SUN1: variants seen among roughly 807,000 people sequenced by gnomAD.
SUN1 encodes the protein SUN domain-containing protein 1.
A neutral mutation model predicts 103.2 loss-of-function variants in SUN1; 61 were observed. The ratio of observed to expected loss-of-function variants is 0.59; its 90% confidence interval spans 0.48 to 0.73. The LOEUF (loss-of-function observed/expected upper bound fraction) is 0.73. Among genes scored for constraint, SUN1 ranks in the 30% least tolerant of loss-of-function variants. The pLI is 0.00. For synonymous variants in SUN1, 490 were observed against 425.7 expected (o/e 1.15, Z -1.86); for missense variants, 1,052 against 1,034.6 (o/e 1.02, Z -0.23).
chr7:850,279 G>T, intron 5 of SUN1: 1 of 464,792 alleles, frequency 2.2e-6, no homozygotes, highest in South Asian at 2.2e-5. Flanking sequence ...GCTCACTGCA[G>T]CCTCCACCTC....
intron 1 of SUN1, among the ~76,000 whole-genome samples, chr7:836,833 G>C (rs1384795803): frequency 6.6e-6 from 1 of 152,346 alleles, no homozygotes; most frequent in African/African-American, 2.4e-5. Flanking sequence ...GGATGGGCGC[G>C]GTCAAGGAGG....
Position 823,403 on chromosome 7 carries a change from A to G in SUN1, c.-74+6730A>G, listed in dbSNP as rs560398688. ...CATTAAGTGTGAGGAGAAGTTAGCTAGGCAGAGTTTGGGGTGTAACTAGAC... is the reference window on the plus strand; with the variant it reads ...CATTAAGTGTGAGGAGAAGTTAGCTGGGCAGAGTTTGGGGTGTAACTAGAC... On this transcript the variant is annotated intron_variant, in intron 1 of 17. Coordinates refer to the SUN1 transcript ENST00000389574. Among the ~76,000 whole-genome samples the G allele has an allele frequency of 5.3e-5, 8 of 152,124 alleles. No homozygotes were observed. In the South Asian group the frequency reaches 1.7e-3, roughly 31 times the overall value.
At chr7:831,887 C>T, upstream of SUN1, 1 of 265,260 alleles carries the variant, frequency 3.8e-6, no homozygotes, top group East Asian at 1.8e-4. Context: ...AAGTATGAGT[C>T]ATTCCAAATA....
chr7:823,801 C>T (rs912162693), intron 1 of SUN1, among the ~76,000 whole-genome samples: 12 of 152,074 alleles, frequency 7.9e-5, no homozygotes, highest in African/African-American at 2.2e-4. Flanking sequence ...GGAGAGGGGG[C>T]ATGGGGCACG....
intron 1 of SUN1, among the ~76,000 whole-genome samples, chr7:833,585 C>A (rs201849763): frequency 4.9e-4 from 74 of 152,014 alleles, no homozygotes; most frequent in African/African-American, 1.7e-3. Flanking sequence ...TGCTGGGATT[C>A]CAGGCGTGAG....
At chr7:868,199 C>T (rs1456080306) in intron 16 of SUN1, among the ~76,000 whole-genome samples, 2 of 152,260 alleles carry the variant, frequency 1.3e-5, no homozygotes, top group African/African-American at 2.4e-5. Flanking sequence ...GCTGCGTGCA[C>T]GGTCTCCTCC....
intron 18 of SUN1, 21 bp from the exon 19 acceptor site, chr7:873,194 T>G (rs1562862678): frequency 6.2e-7 from 1 of 1,609,432 alleles, no homozygotes; most frequent in South Asian, 1.1e-5. Context: ...CATGTGTGTG[T>G]TTTTCCCACC....
In SUN1 at chr7:874,067, C is replaced by T. The variant is rs1843192900; in HGVS notation, c.*736C>T. On this transcript the variant is annotated 3_prime_UTR_variant, in exon 19 of 19. Coordinates refer to ENST00000401592, the MANE Select transcript of SUN1 (RefSeq NM_001130965.3). ...GTTCTCTGGTCTCAGCAAGGCTTTT[C>T]CTGTTGGGAGTCACAGTAAACAGAA... The T allele has an allele frequency of 2.0e-5, 3 of 152,184 alleles. No individual in the cohort carries two copies. Among genetic ancestry groups the T allele is most frequent in the Admixed American group, 6.5e-5 (1 of 15,276 alleles). The allele number at this position is 152,184 out of a possible 1,614,324, so 9.4% of individuals were successfully genotyped here.
At chr7:822,805 G>A (rs1787535618) in intron 1 of SUN1, among the ~76,000 whole-genome samples, 1 of 152,238 alleles carries the variant, frequency 6.6e-6, no homozygotes, top group South Asian at 2.1e-4. Context: ...AGACGAGGAA[G>A]CATATGAAGG....
chr7:861,494 T>TTAGA (rs1832189866), intron 15 of SUN1, 30 bp downstream of exon 15: 15 of 1,610,226 alleles, frequency 9.3e-6, no homozygotes, highest in Non-Finnish European at 1.0e-5. Context: ...GATTACTAAG[T>TTAGA]TAGATGATCA....
rs199999269 is a variant in SUN1, at chr7:838,955, A to G, written c.235A>G (p.Ser79Gly). 1.2e-3 allele frequency: 1,947 copies of G among 1,605,106 alleles called. 8 individuals carry two copies. Among genetic ancestry groups the G allele is most frequent in the South Asian group, 1.9e-3 (173 of 88,978 alleles). ...TGTGGGTGCCGACAGCGGCACCAGC[A>G]GCGCTGTCTCCCTGAAGAACCGAGC... ...EAVGADSGTS[S>G]AVSLKNRAAR... The change falls in exon 2 of 19, where the codon AGC becomes GGC. Residue 79 changes from serine to glycine, a missense_variant. Ser to Gly is a moderately conservative substitution (Grantham distance 56, BLOSUM62 0). This residue lies in a region of SUN1 where 846 missense variants were observed against 774.5 expected (regional missense o/e 1.09). Coordinates refer to ENST00000401592, the MANE Select transcript of SUN1 (RefSeq NM_001130965.3).
intron 13 of SUN1, among the ~76,000 whole-genome samples, chr7:859,274 G>T (rs1164018663): frequency 6.6e-6 from 1 of 152,216 alleles, no homozygotes; most frequent in Non-Finnish European, 1.5e-5. Context: ...CCACGAGGAC[G>T]ATGGCTGCTA....
intron 2 of SUN1, among the ~76,000 whole-genome samples, chr7:839,439 C>T (rs952543435): frequency 6.6e-6 from 1 of 152,246 alleles, no homozygotes; most frequent in Non-Finnish European, 1.5e-5. Context: ...GGGTGGAATG[C>T]AGTGGCACGA....
chr7:861,523 C>T, intron 15 of SUN1, 59 bp downstream of exon 15: 1 of 1,567,468 alleles, frequency 6.4e-7, no homozygotes, highest in South Asian at 1.1e-5. Flanking sequence ...CAGGGGTGTG[C>T]ACTTGAGAGG....
At chr7:831,090 G>T, upstream of SUN1, 1 of 855,048 alleles carries the variant, frequency 1.2e-6, no homozygotes, top group Non-Finnish European at 1.4e-6. Flanking sequence ...GTGGGAGAGA[G>T]ACAGTTAAAC....
intron 1 of SUN1, among the ~76,000 whole-genome samples, chr7:818,286 C>T (rs566361423): frequency 3.3e-5 from 5 of 152,338 alleles, no homozygotes; most frequent in African/African-American, 1.2e-4. Flanking sequence ...TGGAATCATA[C>T]AATATGCAGC....
intron 1 of SUN1, among the ~76,000 whole-genome samples, chr7:835,224 G>C (rs1801890280): frequency 6.6e-6 from 1 of 152,248 alleles, no homozygotes. Flanking sequence ...CGGAGCCTCT[G>C]CGACTGGTGC....
At chr7:834,775 A>AT (rs111510169) in intron 1 of SUN1, among the ~76,000 whole-genome samples, 24,165 of 151,822 alleles carry the variant, frequency 0.16, 2,114 homozygotes, top group African/African-American at 0.19. Flanking sequence ...CTTTAATTAA[A>AT]TTTTTTTTCT....
At chr7:818,050 AATGGAGTAT>A (rs1327540337) in intron 1 of SUN1, among the ~76,000 whole-genome samples, 4 of 152,172 alleles carry the variant, frequency 2.6e-5, no homozygotes, top group Non-Finnish European at 4.4e-5. Flanking sequence ...TTACTTCATA[AATGGAGTAT>A]CCTCTCATTC....
Sources: allele counts gnomAD v4.1 joint callset (sites outside exome capture counted in the v4.1 genomes callset), GRCh38; gene constraint gnomAD v4.1.1; regional missense constraint gnomAD v4.1.1; transcripts MANE v1.5; gene names NCBI Gene and HGNC (gene_info 2026-07-23, HGNC 2026-07-21).